The following KAT2B variants were observed in gnomAD, a reference collection of about 807,000 sequenced individuals.
The protein encoded by KAT2B is histone acetyltransferase KAT2B.
Under a neutral mutation model 105.9 loss-of-function variants are expected in KAT2B, and 36 were observed. The observed-to-expected ratio is 0.34, with a 90% CI of 0.26 to 0.45. KAT2B has a LOEUF of 0.45. KAT2B is among the 20% of genes least tolerant of loss of function. The probability of loss-of-function intolerance (pLI) is 1.00; values close to 1 mark genes in which losing one functional copy is unlikely to be tolerated. For missense variants in KAT2B, 820 were observed against 1,021.6 expected, an observed-to-expected ratio of 0.80 and a Z score of 2.69; for synonymous variants, 397 against 377.9, an observed-to-expected ratio of 1.05 and a Z score of -0.59.
At chr3:20,055,875 A>G (rs955489011) in intron 1 of KAT2B, among the ~76,000 whole-genome samples, 13 of 152,022 alleles carry the variant, frequency 8.6e-5, no homozygotes, top group African/African-American at 3.1e-4. Flanking sequence ...TAATTTAGCT[A>G]TTTTTCATAT....
At chr3:20,076,137 A>G (rs1698415459) in intron 2 of KAT2B, among the ~76,000 whole-genome samples, 1 of 152,038 alleles carries the variant, frequency 6.6e-6, no homozygotes. Context: ...ACAATAAAAG[A>G]TACTCCTCCT....
chr3:20,139,801 T>G (rs997120289), intron 12 of KAT2B, among the ~76,000 whole-genome samples: 1 of 88,134 alleles, frequency 1.1e-5, no homozygotes, highest in Non-Finnish European at 1.9e-5. Flanking sequence ...AATCACTTTA[T>G]TTTTTTGACC....
chr3:20,130,407 C>T (rs755444571), intron 11 of KAT2B, among the ~76,000 whole-genome samples: 109 of 152,132 alleles, frequency 7.2e-4, no homozygotes, highest in Admixed American at 1.6e-3. Flanking sequence ...GACAAATGTC[C>T]AGATGTTTCC....
Position 20,109,543 on chromosome 3 carries a change from C to G in KAT2B, c.852-2053C>G, listed in dbSNP as rs181833536. On this transcript the variant is annotated intron_variant, in intron 5 of 17. Coordinates refer to ENST00000263754, the MANE Select transcript of KAT2B (RefSeq NM_003884.5). Reference sequence around the variant, plus strand: ...ATGTTGCCCAGGCTGGTCTTGAACTCCTGGGCTCAAGCGATCTTCCTGCTT... The same window carrying G: ...ATGTTGCCCAGGCTGGTCTTGAACTGCTGGGCTCAAGCGATCTTCCTGCTT... Among the ~76,000 whole-genome samples, 3 of 152,088 alleles carry G rather than the reference C, an allele frequency of 2.0e-5. No homozygotes were observed. In the South Asian group the frequency reaches 6.2e-4, roughly 32 times the overall value.
chr3:20,053,218 C>G (rs1185210908), intron 1 of KAT2B, among the ~76,000 whole-genome samples: 1 of 152,152 alleles, frequency 6.6e-6, no homozygotes, highest in Non-Finnish European at 1.5e-5. Context: ...GTTTCCTCTT[C>G]TGCAAGTTAC....
intron 1 of KAT2B, among the ~76,000 whole-genome samples, chr3:20,051,377 G>C (rs1420637226): frequency 6.6e-6 from 1 of 152,140 alleles, no homozygotes; most frequent in Non-Finnish European, 1.5e-5. Flanking sequence ...CTCCCCTGGA[G>C]TCCGTATTGG....
chr3:20,041,443 G>A (rs935821230), intron 1 of KAT2B, among the ~76,000 whole-genome samples: 1 of 152,208 alleles, frequency 6.6e-6, no homozygotes, highest in African/African-American at 2.4e-5. Context: ...AGCTGCTCGA[G>A]GTGTAAACAG....
At chr3:20,089,970 C>G (rs76097813) in intron 2 of KAT2B, among the ~76,000 whole-genome samples, 6,534 of 150,858 alleles carry the variant, frequency 0.043, 193 homozygotes, top group South Asian at 0.077. Context: ...TAGTGAGAAG[C>G]CATCTCTATT....
chr3:20,086,760 C>T (rs1425730572), intron 2 of KAT2B, among the ~76,000 whole-genome samples: 1 of 151,798 alleles, frequency 6.6e-6, no homozygotes, highest in African/African-American at 2.4e-5. Context: ...AACTGTCTTC[C>T]TCTAGGACAT....
chr3:20,062,763 A>G (rs1313008805), intron 1 of KAT2B, among the ~76,000 whole-genome samples: 1 of 151,712 alleles, frequency 6.6e-6, no homozygotes, highest in Admixed American at 6.6e-5. Flanking sequence ...TGCCTGGCCC[A>G]TTTTCATAAT....
chr3:20,145,122 AT>A (rs1699763231), intron 13 of KAT2B, among the ~76,000 whole-genome samples: 1 of 152,200 alleles, frequency 6.6e-6, no homozygotes, highest in African/African-American at 2.4e-5. Flanking sequence ...AAGAGTTCAT[AT>A]GAATAAAGCA....
chr3:20,131,967 C>T (rs1373268797), intron 11 of KAT2B, among the ~76,000 whole-genome samples: 1 of 152,096 alleles, frequency 6.6e-6, no homozygotes, highest in African/African-American at 2.4e-5. Flanking sequence ...CTGATAAATT[C>T]CTGTGAATTC....
At chr3:20,089,049 AT>A (rs1318695233) in intron 2 of KAT2B, among the ~76,000 whole-genome samples, 4 of 152,012 alleles carry the variant, frequency 2.6e-5, no homozygotes, top group Non-Finnish European at 5.9e-5. Flanking sequence ...AAATGGATAG[AT>A]TTCTGGGCTG....
chr3:20,119,273 T>C (rs1699264571), intron 7 of KAT2B, among the ~76,000 whole-genome samples: 1 of 148,184 alleles, frequency 6.7e-6, no homozygotes, highest in South Asian at 2.1e-4. Flanking sequence ...GGCTGCCAAA[T>C]AGTGATTTTT....
At chr3:20,040,939 A>G (rs1697706235) in intron 1 of KAT2B, among the ~76,000 whole-genome samples, 159 bp downstream of exon 1, 1 of 152,056 alleles carries the variant, frequency 6.6e-6, no homozygotes. Context: ...CCCGCGCCCA[A>G]TTAGCTTCTT....
intron 13 of KAT2B, among the ~76,000 whole-genome samples, chr3:20,143,707 A>G (rs149478456): frequency 2.1e-3 from 318 of 152,356 alleles, no homozygotes; most frequent in African/African-American, 7.0e-3. Flanking sequence ...CAGCCATAAA[A>G]AAGAACAAAA....
At chr3:20,061,927 C>CATAATATAT in intron 1 of KAT2B, among the ~76,000 whole-genome samples, 1 of 96,130 alleles carries the variant, frequency 1.0e-5, no homozygotes, top group Non-Finnish European at 1.9e-5. Flanking sequence ...TATTATATAT[C>CATAATATAT]ATATATAAAA....
At chr3:20,072,485 G>A (rs1315113735) in intron 2 of KAT2B, 26 bp downstream of exon 2, 1 of 1,608,778 alleles carries the variant, frequency 6.2e-7, no homozygotes, top group Admixed American at 1.7e-5. Context: ...TTCAAGGAAA[G>A]TATAACGAGT....
intron 1 of KAT2B, among the ~76,000 whole-genome samples, chr3:20,063,472 C>T (rs1432725852): frequency 6.7e-6 from 1 of 148,180 alleles, no homozygotes; most frequent in Non-Finnish European, 1.5e-5. Flanking sequence ...GGGTCTCGCC[C>T]TGTTGCTCAG....
Sources: allele counts gnomAD v4.1 joint callset (sites outside exome capture counted in the v4.1 genomes callset), GRCh38; gene constraint gnomAD v4.1.1; transcripts MANE v1.5; gene names NCBI Gene and HGNC (gene_info 2026-07-23, HGNC 2026-07-21).